The following NSD2 variants were observed in gnomAD, a reference collection of about 807,000 sequenced individuals.
NSD2 encodes the protein nuclear receptor binding SET domain protein 2, also known as histone-lysine N-methyltransferase NSD2.
A neutral mutation model predicts 139.0 loss-of-function variants in NSD2; 12 were observed. That is an observed-to-expected ratio of 0.09 (90% CI 0.06 to 0.14). The LOEUF is 0.14. Among genes scored for constraint, NSD2 ranks in the 10% least tolerant of loss-of-function variants. The pLI is 1.00. For missense variants in NSD2, 1,155 were observed against 1,745.0 expected, an observed-to-expected ratio of 0.66 and a Z score of 6.02; for synonymous variants, 669 against 648.7, an observed-to-expected ratio of 1.03 and a Z score of -0.48.
intron 9 of NSD2, chr4:1,941,385 A>C: frequency 9.5e-7 from 1 of 1,050,786 alleles, no homozygotes; most frequent in East Asian, 5.4e-5. Flanking sequence ...GTTATTCCTG[A>C]TCCTAAGTCA....
intron 15 of NSD2, 65 bp from the exon 16 acceptor site, chr4:1,957,868 T>C (rs1181570353): frequency 4.2e-6 from 6 of 1,426,142 alleles, no homozygotes; most frequent in Admixed American, 3.8e-5. Flanking sequence ...TATAAAAATA[T>C]GGAGCTTGAA....
chr4:1,895,329 C>T (rs1716120804), intron 1 of NSD2, among the ~76,000 whole-genome samples: 1 of 152,130 alleles, frequency 6.6e-6, no homozygotes, highest in African/African-American at 2.4e-5. Flanking sequence ...AATCCCAACA[C>T]CTAAAATCAG....
At chr4:1,924,882 G>A (rs999526124) in intron 5 of NSD2, among the ~76,000 whole-genome samples, 11 of 152,132 alleles carry the variant, frequency 7.2e-5, no homozygotes, top group African/African-American at 2.7e-4. Flanking sequence ...AGCCATCATT[G>A]CGCCACTGCA....
At chr4:1,962,306 A>C (rs1725449781) in intron 18 of NSD2, among the ~76,000 whole-genome samples, 1 of 152,246 alleles carries the variant, frequency 6.6e-6, no homozygotes, top group Non-Finnish European at 1.5e-5. Flanking sequence ...AAGTACCCAG[A>C]GGAGGTGTGT....
intron 1 of NSD2, among the ~76,000 whole-genome samples, chr4:1,884,159 G>A (rs975879264): frequency 3.4e-5 from 5 of 147,072 alleles, no homozygotes; most frequent in Admixed American, 2.0e-4. Flanking sequence ...GCAGTGGCAT[G>A]ATCTTGGCTC....
chr4:1,939,952 C>T (rs1722915607), intron 9 of NSD2, 174 bp downstream of exon 9: 2 of 1,462,198 alleles, frequency 1.4e-6, no homozygotes, highest in Non-Finnish European at 1.8e-6. Context: ...ACAAACAGTG[C>T]ACTATGTTAG....
chr4:1,948,923 T>A lies in NSD2; in HGVS notation c.1882-2149T>A, dbSNP rs1019352578. The A allele has an allele frequency of 1.7e-6, 1 of 585,904 alleles. No homozygotes were observed. The highest frequency in any genetic ancestry group is 6.2e-5 in the Admixed American group (1 of 16,178). The allele number at this position is 585,904 out of a possible 1,614,324, so 36.3% of individuals were successfully genotyped here. A position where few individuals can be genotyped will look rare whatever the true frequency, so the allele number is the denominator to read the frequency against. ...ACCACGTTAAGGGAAGAGCATGGGT[T>A]GGTGGATAGCGCTGGGGCTCTCTCC... On this transcript the variant is annotated intron_variant, in intron 9 of 21. Coordinates refer to ENST00000508803, the MANE Select transcript of NSD2 (RefSeq NM_001042424.3). This position sits in a 1 kb window ranked among gnomAD's most constrained non-coding sequence, Gnocchi z 4.5.
At chr4:1,961,437 G>A (rs1009113641) in intron 18 of NSD2, among the ~76,000 whole-genome samples, 4 of 152,194 alleles carry the variant, frequency 2.6e-5, no homozygotes, top group Non-Finnish European at 5.9e-5. Context: ...GAAGTAGAGA[G>A]GACACAGATG....
chr4:1,953,627 C>T, intron 12 of NSD2, 103 bp downstream of exon 12: 1 of 1,390,876 alleles, frequency 7.2e-7, no homozygotes, highest in Non-Finnish European at 9.7e-7. Flanking sequence ...CACCAAAGAG[C>T]ATTAATTATC....
At chr4:1,936,667 CAAAAAAA>C (rs879590049) in intron 7 of NSD2, among the ~76,000 whole-genome samples, 1 of 52,492 alleles carries the variant, frequency 1.9e-5, no homozygotes, top group African/African-American at 5.7e-5. Flanking sequence ...GACTCCATCT[CAAAAAAA>C]AAAAAAAAAA....
chr4:1,960,997 C>T (rs935845882), intron 17 of NSD2, 38 bp from the exon 18 acceptor site: 3 of 1,571,628 alleles, frequency 1.9e-6, no homozygotes, highest in East Asian at 2.3e-5. Context: ...GATTGGTCAG[C>T]ACGCTTTTTG....
intron 9 of NSD2, chr4:1,941,955 G>A: frequency 4.6e-6 from 5 of 1,088,358 alleles, no homozygotes; most frequent in Non-Finnish European, 5.6e-6. Flanking sequence ...TCTGATATGA[G>A]TTAGGTGACC....
chr4:1,909,649 T>TC (rs71644317), intron 3 of NSD2, among the ~76,000 whole-genome samples: 4 of 151,966 alleles, frequency 2.6e-5, no homozygotes, highest in Admixed American at 2.6e-4. Flanking sequence ...TTTTTTTTTT[T>TC]CTTTTCCTGG....
At chr4:1,938,427 T>G (rs772320095) in intron 7 of NSD2, 24 bp from the exon 8 acceptor site, 2 of 1,179,724 alleles carry the variant, frequency 1.7e-6, no homozygotes, top group African/African-American at 3.4e-5. Context: ...TTTTTTTTTT[T>G]TTTTTTTTTT....
chr4:1,976,787 C>A lies in NSD2; in HGVS notation c.3826+108C>A. ...ACCGGGCCTCATCTGGGTGCAGGCA[C>A]ATCAGGCGCTCATGCAGCGAAGGCC... is the stretch of plus-strand genomic sequence containing the variant. On this transcript the variant is annotated intron_variant, in intron 21 of 21. Coordinates refer to ENST00000508803, the MANE Select transcript of NSD2 (RefSeq NM_001042424.3). The surrounding 1 kb of genome is among the most constrained non-coding windows in gnomAD (Gnocchi z 5.3). 8.4e-7 allele frequency: 1 copy of A among 1,191,420 alleles called. No homozygotes were observed. The highest frequency in any genetic ancestry group is 1.2e-6 in the Non-Finnish European group (1 of 868,136). The allele number at this position is 1,191,420 out of a possible 1,614,324, so 73.8% of individuals were successfully genotyped here.
At chr4:1,925,393 T>C (rs1461061886) in intron 5 of NSD2, among the ~76,000 whole-genome samples, 14 of 132,870 alleles carry the variant, frequency 1.1e-4, no homozygotes, top group South Asian at 2.6e-4. Context: ...TTCTTTCTTT[T>C]TTTTTTTTTT....
At chr4:1,898,991 TTA>T (rs1308881595) in intron 1 of NSD2, among the ~76,000 whole-genome samples, 16 of 152,326 alleles carry the variant, frequency 1.1e-4, no homozygotes, top group African/African-American at 3.4e-4. Flanking sequence ...AGGTGGTTTT[TTA>T]TGTTTTGTCC....
At chr4:1,878,871 C>G (rs1005240773) in intron 1 of NSD2, among the ~76,000 whole-genome samples, 2 of 152,148 alleles carry the variant, frequency 1.3e-5, no homozygotes, top group African/African-American at 4.8e-5. Flanking sequence ...AGAGAATGAG[C>G]AGAGGCAGCA....
chr4:1,939,541 G>T, intron 8 of NSD2, 113 bp from the exon 9 acceptor site: 1 of 1,102,220 alleles, frequency 9.1e-7, no homozygotes, highest in Non-Finnish European at 1.3e-6. Context: ...GAAGGACAAA[G>T]GAATTCAGAA....
Sources: gnomAD v4.1 joint callset for allele counts (sites outside exome capture counted in the v4.1 genomes callset) on GRCh38, gnomAD v4.1.1 for gene constraint, Gnocchi (gnomAD v3.1) non-coding constraint, MANE v1.5 for transcripts, NCBI Gene and HGNC (gene_info 2026-07-23, HGNC 2026-07-21) for gene names.